CDK10: variants seen among roughly 807,000 people sequenced by gnomAD.
CDK10 encodes the protein cyclin dependent kinase 10.
A neutral mutation model predicts 51.0 loss-of-function variants in CDK10; 55 were observed. That is an observed-to-expected ratio of 1.08 (90% CI 0.87 to 1.35). CDK10 has a LOEUF of 1.35. Among genes scored for constraint, CDK10 ranks in the 40% most tolerant of loss-of-function variants. The probability of loss-of-function intolerance (pLI) is 0.00; values close to 1 mark genes in which losing one functional copy is unlikely to be tolerated. For synonymous variants in CDK10, 255 were observed against 199.1 expected, an observed-to-expected ratio of 1.28 and a Z score of -2.36; for missense variants, 589 against 485.1, an observed-to-expected ratio of 1.21 and a Z score of -2.01.
At chr16:89,694,858 TGCCCACGCCCTCTGCGCCCGCAGCCCCC>T in intron 10 of CDK10, 45 bp from the exon 11 acceptor site, 2 of 1,504,002 alleles carry the variant, frequency 1.3e-6, no homozygotes, top group African/African-American at 1.4e-5. Flanking sequence ...CCCCCGCCCG[TGCCCACGCCCTCTGCGCCCGCAGCCCCC>T]GCCCGTGCCC....
At chr16:89,695,182 C>A (rs564485825) in intron 11 of CDK10, 111 bp from the exon 12 acceptor site, 132 of 1,535,638 alleles carry the variant, frequency 8.6e-5, no homozygotes, top group Non-Finnish European at 1.1e-4. Context: ...CACAGCCGCT[C>A]GGAGTGGCCA....
At position 89,693,468 on chromosome 16, in the gene CDK10, G is replaced by A. The variant is rs771066826; in HGVS notation, c.608+1G>A. On this transcript the variant is annotated splice_donor_variant, in intron 8 of 12. Coordinates refer to ENST00000353379, the MANE Select transcript of CDK10 (RefSeq NM_052988.5). LOFTEE classifies it high-confidence loss of function. The stretch of plus-strand genomic sequence containing the variant: ...TGACCCCCAAGGTGGTCACTCTCTG[G>A]TAAGTCCTTCTGAAGCATGGTGGCC... 1.2e-6 allele frequency: 2 copies of A among 1,614,032 alleles called. No individual in the cohort carries two copies. Among genetic ancestry groups the A allele is most frequent in the Non-Finnish European group, 1.7e-6 (2 of 1,180,000 alleles).
At chr16:89,694,014 T>C (rs531508349) in intron 8 of CDK10, 159 bp from the exon 9 acceptor site, 5 of 704,902 alleles carry the variant, frequency 7.1e-6, no homozygotes, top group African/African-American at 5.3e-5. Flanking sequence ...CAACCATTGC[T>C]GTGTGTGCCA....
intron 12 of CDK10, 91 bp downstream of exon 12, chr16:89,695,436 C>G (rs1466294273): frequency 4.0e-6 from 6 of 1,485,494 alleles, no homozygotes; most frequent in Admixed American, 3.4e-5. Flanking sequence ...GCCTGCTGCC[C>G]TCACTGACGG....
At position 89,694,155 on chromosome 16, in the gene CDK10, G is replaced by A. The variant is rs375834959; in HGVS notation, c.609-18G>A. On this transcript the variant is annotated intron_variant, in intron 8 of 12. Coordinates refer to ENST00000353379, the MANE Select transcript of CDK10 (RefSeq NM_052988.5). The stretch of plus-strand genomic sequence containing the variant: ...GGAGAGGAGCCGGCTGTATTGAGGT[G>A]GGTGCTTCTGTGTGTAGGTACCGAG... The A allele has an allele frequency of 2.4e-5, 39 of 1,613,348 alleles. No individual in the cohort carries two copies. In the African/African-American group the frequency reaches 4.7e-4, roughly 19 times the overall value.
intron 1 of CDK10, chr16:89,687,456 C>T (rs1463481959): frequency 2.2e-6 from 1 of 455,844 alleles, no homozygotes; most frequent in Non-Finnish European, 4.4e-6. Context: ...CAGATCGTGG[C>T]TGGATGACAA....
rs2060204520 is a variant in CDK10, at chr16:89,686,787, C to T, written c.77C>T (p.Pro26Leu). The change falls in exon 1 of 13, where the codon CCG becomes CTG. Residue 26 changes from proline (P) to leucine (L), a missense_variant. Transcript: ENST00000353379. The part of the protein sequence containing the change: ...IRKEGFFTVP[P>L]EHRLGRCRSV... The stretch of plus-strand genomic sequence containing the variant: ...AAGGAGGGCTTCTTCACGGTGCCTC[C>T]GGAACACAGGGTGCGCGGGGTGCCA... 1.2e-6 allele frequency: 2 copies of T among 1,611,478 alleles called. No individual in the cohort carries two copies. The highest frequency in any genetic ancestry group is 1.7e-6 in the Non-Finnish European group (2 of 1,178,812).
chr16:89,690,428 T>C, intron 2 of CDK10, 125 bp from the exon 3 acceptor site: 1 of 769,638 alleles, frequency 1.3e-6, no homozygotes. Context: ...TGAGTGTCAC[T>C]GGGCATGAGG....
At chr16:89,688,398 A>C (rs1222043942) in intron 1 of CDK10, among the ~76,000 whole-genome samples, 1 of 152,058 alleles carries the variant, frequency 6.6e-6, no homozygotes, top group African/African-American at 2.4e-5. Context: ...TGCTTCTTAG[A>C]TCCATGGAGA....
At chr16:89,688,314 C>T (rs901903755) in intron 1 of CDK10, among the ~76,000 whole-genome samples, 4 of 152,052 alleles carry the variant, frequency 2.6e-5, no homozygotes, top group African/African-American at 9.7e-5. Context: ...GATCTCCTGA[C>T]TTCGTGATCC....
At chr16:89,691,666 C>A in intron 4 of CDK10, 121 bp downstream of exon 4, 2 of 1,195,144 alleles carry the variant, frequency 1.7e-6, no homozygotes, top group Non-Finnish European at 2.5e-6. Context: ...GAGATGACCC[C>A]ACCTCACCGC....
At position 89,695,742 on chromosome 16, in the gene CDK10, T is replaced by TGGTGTCTGTGAAG; in HGVS notation, c.*55_*67dup. The TGGTGTCTGTGAAG allele has an allele frequency of 6.3e-7, 1 of 1,590,762 alleles. No individual in the cohort carries two copies. The highest frequency in any genetic ancestry group is 1.1e-5 in the South Asian group (1 of 88,010). ...TTCCCACACCAGGTCTTCCGATCAG[T>TGGTGTCTGTGAAG]GGTGTCTGTGAAGGGTGCCGCGAGC... is the stretch of plus-strand genomic sequence containing the variant. On this transcript the variant is annotated 3_prime_UTR_variant, in exon 13 of 13. Transcript: ENST00000353379.
rs541949674 is a variant in CDK10 at position 89,689,432 on chromosome 16, G to A, written c.160+108G>A. The A allele has an allele frequency of 2.2e-4, 197 of 912,304 alleles. 1 individual carries two copies. In the South Asian group the frequency reaches 2.6e-3, roughly 12 times the overall value. The allele number at this position is 912,304 out of a possible 1,614,324, so 56.5% of individuals were successfully genotyped here. On this transcript the variant is annotated intron_variant, in intron 2 of 12. Transcript: ENST00000353379. The stretch of plus-strand genomic sequence containing the variant: ...TGGGGCTGGAAGGGACTCAGACCCT[G>A]TGCTCTGAAACAGGGCAGAAACCTG...
At chr16:89,689,056 T>TG (rs2060325795) in intron 1 of CDK10, among the ~76,000 whole-genome samples, 196 bp from the exon 2 acceptor site, 1 of 150,944 alleles carries the variant, frequency 6.6e-6, no homozygotes, top group South Asian at 2.1e-4. Context: ...ACCATGTTCT[T>TG]GCCACTGCAC....
rs2060463287 is a variant in CDK10 at position 89,691,809 on chromosome 16, C to T, written c.339C>T (p.Ile113=). 1.2e-6 allele frequency: 2 copies of T among 1,613,868 alleles called. No homozygotes were observed. The highest frequency in any genetic ancestry group is 1.3e-5 in the African/African-American group (1 of 74,896). ...EVVVGNHLES[I]FLVMGYCEQD... is the part of the protein sequence containing the mutation. ...ATGCATCTTCTGTTTCTTCCAGCAT[C>T]TTCCTGGTGATGGGTTACTGTGAGC... The change falls in exon 5 of 13, where the codon ATC becomes ATT. Residue 113 remains isoleucine, a synonymous_variant. Transcript: ENST00000353379.
chr16:89,686,946 A>C (rs949702319), intron 1 of CDK10, 149 bp downstream of exon 1: 3 of 650,170 alleles, frequency 4.6e-6, no homozygotes, highest in Non-Finnish European at 7.5e-6. Context: ...CGGGGGCGGA[A>C]GCCGGGGCGG....
chr16:89,695,324 T>C lies in CDK10; in HGVS notation c.964T>C (p.Tyr322His). The change falls in exon 12 of 13, where the codon TAT (tyrosine) becomes CAT (histidine). Residue 322 changes from tyrosine to histidine, a missense_variant. By Grantham distance (83) the Tyr-to-His change is moderately conservative. Coordinates refer to ENST00000353379, the MANE Select transcript of CDK10 (RefSeq NM_052988.5). ...GGCCGGGGACTGCCTGGAGAGCTCC[T>C]ATTTCAAGGAGAAGCCCCTACGTGA... ...ATAGDCLESSYFKEKPLPCEP... is the reference protein window; with the variant it reads ...ATAGDCLESSHFKEKPLPCEP... 3 of 1,612,466 alleles carry C rather than the reference T, an allele frequency of 1.9e-6. No individual in the cohort carries two copies. The highest frequency in any genetic ancestry group is 2.5e-6 in the Non-Finnish European group (3 of 1,179,078).
chr16:89,693,538 A>G, intron 8 of CDK10, 71 bp downstream of exon 8: 4 of 1,485,632 alleles, frequency 2.7e-6, no homozygotes, highest in Non-Finnish European at 3.8e-6. Context: ...TGGGGATGTC[A>G]GGCCGAAGCT....
rs566774686 is a variant in CDK10 at position 89,693,707 on chromosome 16, G to A, written c.608+240G>A. ...GCCTAGATCAGACACACCTCGCCTTGAGAGCTGGAAACACCGTGGCCGTGA... is the reference window on the plus strand; with the variant it reads ...GCCTAGATCAGACACACCTCGCCTTAAGAGCTGGAAACACCGTGGCCGTGA... On this transcript the variant is annotated intron_variant, in intron 8 of 12. Coordinates refer to ENST00000353379, the MANE Select transcript of CDK10 (RefSeq NM_052988.5). The A allele has an allele frequency of 3.1e-5, 18 of 584,552 alleles. 1 individual carries two copies. The South Asian group carries it at 3.7e-4, about 12-fold the overall frequency. 36.2% of individuals were successfully genotyped at this position (584,552 alleles called of 1,614,324 possible).
Sources: gnomAD v4.1 joint callset for allele counts (sites outside exome capture counted in the v4.1 genomes callset) on GRCh38, gnomAD v4.1.1 for gene constraint, MANE v1.5 for transcripts, NCBI Gene and HGNC (gene_info 2026-07-23, HGNC 2026-07-21) for gene names.